RPP30: variants seen among roughly 807,000 people sequenced by gnomAD.
RPP30 encodes ribonuclease P protein subunit p30.
A neutral mutation model predicts 38.6 loss-of-function variants in RPP30; 36 were observed. That is an observed-to-expected ratio of 0.93 (90% CI 0.71 to 1.23). The LOEUF is 1.23. RPP30 is among the 50% of genes most tolerant of loss of function. The pLI, the probability that RPP30 is intolerant of heterozygous loss-of-function variation, is 0.00. For synonymous variants in RPP30, 126 were observed against 112.7 expected (o/e 1.12, Z -0.75); for missense variants, 321 against 321.7 (o/e 1.00, Z 0.02).
chr10:90,875,105 G>T (rs1354116666), intron 2 of RPP30, among the ~76,000 whole-genome samples, 181 bp downstream of exon 2: 1 of 152,046 alleles, frequency 6.6e-6, no homozygotes, highest in Non-Finnish European at 1.5e-5. Flanking sequence ...GATGATTTTT[G>T]TGAGGTAATA....
At chr10:90,872,705 T>G (rs1192764190) in intron 1 of RPP30, among the ~76,000 whole-genome samples, 1 of 152,192 alleles carries the variant, frequency 6.6e-6, no homozygotes, top group Non-Finnish European at 1.5e-5. Flanking sequence ...AATAGAGAGA[T>G]TAAAAAGAAT....
chr10:90,896,454 C>A, intron 10 of RPP30, 62 bp downstream of exon 10: 1 of 1,346,302 alleles, frequency 7.4e-7, no homozygotes, highest in Non-Finnish European at 1.1e-6. Context: ...TTTTTACAGC[C>A]ATACCTATTT....
At chr10:90,898,286 G>A (rs541215543) in intron 10 of RPP30, among the ~76,000 whole-genome samples, 15 of 152,304 alleles carry the variant, frequency 9.8e-5, no homozygotes. Flanking sequence ...ACCCAGGACA[G>A]TTCTAGTTTA....
chr10:90,881,954 A>G (rs1454512667), intron 5 of RPP30, among the ~76,000 whole-genome samples: 2 of 152,192 alleles, frequency 1.3e-5, no homozygotes, highest in African/African-American at 4.8e-5. Context: ...GGGACATAAT[A>G]TACCATTATA....
chr10:90,897,835 G>GGGTACTGA (rs1326977606), intron 10 of RPP30, among the ~76,000 whole-genome samples: 3 of 151,828 alleles, frequency 2.0e-5, no homozygotes, highest in Non-Finnish European at 4.4e-5. Context: ...TATATTTATG[G>GGGTACTGA]GGTACTGAGA....
downstream of RPP30, chr10:90,903,320 C>A: frequency 1.5e-6 from 2 of 1,306,856 alleles, no homozygotes; most frequent in Non-Finnish European, 2.2e-6. Flanking sequence ...GCTTAAAATG[C>A]TTAACAGGAT....
At chr10:90,896,629 T>C (rs1203894195) in intron 10 of RPP30, among the ~76,000 whole-genome samples, 1 of 152,206 alleles carries the variant, frequency 6.6e-6, no homozygotes, top group Non-Finnish European at 1.5e-5. Flanking sequence ...TTCTTCCAGC[T>C]ATACATGTGT....
intron 5 of RPP30, 92 bp from the exon 6 acceptor site, chr10:90,885,720 G>A: frequency 1.3e-6 from 1 of 763,496 alleles, no homozygotes; most frequent in Non-Finnish European, 2.3e-6. Flanking sequence ...CCTATGGAGT[G>A]AACCATACTT....
At chr10:90,902,516 ATACCCGGCCT>A (rs1039905579), downstream of RPP30, among the ~76,000 whole-genome samples, 17 of 152,320 alleles carry the variant, frequency 1.1e-4, no homozygotes, top group African/African-American at 3.8e-4. Flanking sequence ...ATGAGCCACC[ATACCCGGCCT>A]TCCAGTTCTT....
Position 90,875,572 on chromosome 10 carries a change from A to T in RPP30, c.153A>T (p.Pro51=), listed in dbSNP as rs779459121. The T allele has an allele frequency of 6.2e-7, 1 of 1,613,550 alleles. No homozygotes were observed. Residue 51 remains proline (P), a synonymous_variant, in exon 3 of 11, where the codon CCA becomes CCT. Coordinates refer to ENST00000371703, the MANE Select transcript of RPP30 (RefSeq NM_006413.5). The part of the protein sequence containing the change: ...FKEKKQEIEK[P]VAVSELFTTL... The stretch of plus-strand genomic sequence containing the variant: ...GTTTGTTGTAGGAAATTGAAAAACC[A>T]GTAGCTGTTTCTGAACTCTTCACAA...
In RPP30 at chr10:90,871,999, G is replaced by T. The variant is rs373589536; in HGVS notation, c.13G>T (p.Ala5Ser). The T allele has an allele frequency of 1.7e-5, 27 of 1,613,892 alleles. No homozygotes were observed. Among genetic ancestry groups the T allele is most frequent in the Non-Finnish European group, 2.2e-5 (26 of 1,179,904 alleles). MAVF[A>S]DLDLRAGSDL... ...ATGGGACTTCAGCATGGCGGTGTTT[G>T]CAGATTTGGACCTGCGAGCGGGTTC... Residue 5 changes from alanine (A) to serine (S), a missense_variant, in exon 1 of 11, where the codon GCA (alanine) becomes TCA (serine). Ala to Ser is a moderately conservative substitution (Grantham distance 99). Coordinates refer to ENST00000371703, the MANE Select transcript of RPP30 (RefSeq NM_006413.5).
At chr10:90,884,224 G>T (rs1290293005) in intron 5 of RPP30, among the ~76,000 whole-genome samples, 1 of 152,118 alleles carries the variant, frequency 6.6e-6, no homozygotes, top group Non-Finnish European at 1.5e-5. Flanking sequence ...TATTTTTAGA[G>T]TCTCTGCACT....
rs540623133 is a variant in RPP30 at position 90,896,155 on chromosome 10, G to C, written c.618-158G>C. Among the ~76,000 whole-genome samples the C allele has an allele frequency of 6.6e-5, 10 of 152,300 alleles. No homozygotes were observed. In the South Asian group the frequency reaches 2.1e-3, roughly 32 times the overall value. ...ATATGATAAAAGCTTAGAGTTAAAT[G>C]AGTCTTTTCTCAGATGCATGTTCCA... is the stretch of plus-strand genomic sequence containing the variant. On this transcript the variant is annotated intron_variant, in intron 9 of 10. Coordinates refer to ENST00000371703, the MANE Select transcript of RPP30 (RefSeq NM_006413.5).
At chr10:90,896,441 T>C (rs1199550103) in intron 10 of RPP30, 49 bp downstream of exon 10, 1 of 1,460,918 alleles carries the variant, frequency 6.8e-7, no homozygotes, top group Non-Finnish European at 9.6e-7. Context: ...TAAAAGCAAG[T>C]CATTTTTACA....
At chr10:90,885,659 A>G (rs1434062576) in intron 5 of RPP30, among the ~76,000 whole-genome samples, 153 bp from the exon 6 acceptor site, 7 of 152,258 alleles carry the variant, frequency 4.6e-5, no homozygotes, top group Non-Finnish European at 1.0e-4. Context: ...GTAGCAAAAC[A>G]GTTGACTTTG....
chr10:90,872,888 T>C (rs917295394), intron 1 of RPP30, among the ~76,000 whole-genome samples: 1 of 152,226 alleles, frequency 6.6e-6, no homozygotes, highest in Admixed American at 6.5e-5. Context: ...GCGAAATGAC[T>C]GTCCCTTTCC....
chr10:90,892,711 G>A (rs1847097156), intron 6 of RPP30, among the ~76,000 whole-genome samples: 1 of 152,192 alleles, frequency 6.6e-6, no homozygotes, highest in African/African-American at 2.4e-5. Flanking sequence ...AGCCTCTTCA[G>A]CTAATTAGTA....
chr10:90,904,920 A>C (rs530469745), downstream of RPP30, among the ~76,000 whole-genome samples: 448 of 152,334 alleles, frequency 2.9e-3, 3 homozygotes, highest in Middle Eastern at 6.8e-3. Context: ...TCTCTATCTC[A>C]CACCCAATAC....
rs1251357829 is a variant in RPP30, at chr10:90,901,234, G to T, written c.*555G>T. On this transcript the variant is annotated 3_prime_UTR_variant, in exon 11 of 11. Transcript: ENST00000371703. Reference sequence around the variant, plus strand: ...ACTCCTAGGATCAAGCCATCCTCCCGCTTTGGCCTCCTAAAGTGCTGGGAT... The same window carrying T: ...ACTCCTAGGATCAAGCCATCCTCCCTCTTTGGCCTCCTAAAGTGCTGGGAT... 3.8e-5 allele frequency: 33 copies of T among 868,364 alleles called. No homozygotes were observed. Among genetic ancestry groups the T allele is most frequent in the Non-Finnish European group, 4.4e-5 (32 of 728,160 alleles). 53.8% of individuals were successfully genotyped at this position (868,364 alleles called of 1,614,324 possible).
Sources: gnomAD v4.1 joint callset for allele counts (sites outside exome capture counted in the v4.1 genomes callset) on GRCh38, gnomAD v4.1.1 for gene constraint, MANE v1.5 for transcripts, NCBI Gene and HGNC (gene_info 2026-07-23, HGNC 2026-07-21) for gene names.